The following PROM1 variants were observed in gnomAD, a reference collection of about 807,000 sequenced individuals.
PROM1 encodes prominin-1.
PROM1 carries 105 observed loss-of-function variants against 116.9 expected under a neutral mutation model. The observed-to-expected ratio is 0.90, with a 90% confidence interval of 0.77 to 1.06. The LOEUF (loss-of-function observed/expected upper bound fraction) is 1.06, where lower values mean the gene tolerates loss of function less well. Ranked by LOEUF, PROM1 falls within the 50% of genes least tolerant of loss-of-function variation. The probability of loss-of-function intolerance (pLI) is 0.00; values close to 1 mark genes in which losing one functional copy is unlikely to be tolerated. For synonymous variants in PROM1, 393 were observed against 387.0 expected (o/e 1.02, Z -0.18); for missense variants, 1,122 against 1,045.2 (o/e 1.07, Z -1.01).
chr4:15,992,794 A>C (rs892584920), intron 16 of PROM1, among the ~76,000 whole-genome samples: 1 of 152,216 alleles, frequency 6.6e-6, no homozygotes, highest in African/African-American at 2.4e-5. Context: ...AAAGGGACAC[A>C]GGGTAGGCTG....
At chr4:15,980,351 C>A in intron 24 of PROM1, 71 bp downstream of exon 24, 1 of 972,412 alleles carries the variant, frequency 1.0e-6, no homozygotes, top group South Asian at 1.5e-5. Flanking sequence ...CAGAACTCAT[C>A]TTTAGCAACT....
At chr4:16,054,469 C>T (rs1578232586) in intron 2 of PROM1, among the ~76,000 whole-genome samples, 2 of 152,128 alleles carry the variant, frequency 1.3e-5, no homozygotes, top group Admixed American at 1.3e-4. Flanking sequence ...CTCTTTTATT[C>T]TCAAAAGGTG....
intron 13 of PROM1, among the ~76,000 whole-genome samples, chr4:16,002,833 A>T (rs1356455033): frequency 6.6e-6 from 1 of 152,186 alleles, no homozygotes. Context: ...AAATATGCAC[A>T]TTCCTAGATC....
intron 1 of PROM1, among the ~76,000 whole-genome samples, chr4:16,076,859 T>C (rs1578339731): frequency 6.6e-6 from 1 of 152,250 alleles, no homozygotes; most frequent in African/African-American, 2.4e-5. Flanking sequence ...CTGTGCAAGA[T>C]GTGCTTTGTT....
intron 16 of PROM1, 31 bp downstream of exon 16, chr4:15,993,956 T>C (rs781252254): frequency 3.0e-5 from 48 of 1,606,826 alleles, no homozygotes; most frequent in Non-Finnish European, 3.8e-5. Flanking sequence ...AAGGAATGTG[T>C]TATGTCGATT....
At chr4:15,971,208 G>T in intron 26 of PROM1, 126 bp from the exon 27 acceptor site, 2 of 700,528 alleles carry the variant, frequency 2.9e-6, no homozygotes, top group Non-Finnish European at 4.6e-6. Context: ...ACCTCATAAA[G>T]TTTATCAAGA....
intron 4 of PROM1, among the ~76,000 whole-genome samples, chr4:16,034,378 G>T (rs1733522622): frequency 6.6e-6 from 1 of 152,110 alleles, no homozygotes. Flanking sequence ...GATAACGCAT[G>T]ATTAGAAATA....
At chr4:16,059,552 A>C (rs565579564) in intron 2 of PROM1, among the ~76,000 whole-genome samples, 4 of 152,210 alleles carry the variant, frequency 2.6e-5, no homozygotes, top group Non-Finnish European at 5.9e-5. Context: ...AAAAATAAAA[A>C]AAATTAGTCG....
Position 16,023,351 on chromosome 4 carries a change from A to T in PROM1, c.759T>A (p.Leu253=). The T allele has an allele frequency of 1.9e-6, 3 of 1,606,718 alleles. No individual in the cohort carries two copies. Among genetic ancestry groups the T allele is most frequent in the Non-Finnish European group, 2.6e-6 (3 of 1,176,108 alleles). ...DRLRPNIIPV[L]DEIKSMATAI... is the part of the protein sequence containing the mutation. Reference sequence around the variant, plus strand: ...CTGTTGCCATGGACTTAATCTCATCAAGAACAGGGATGATGTTGGGTCTCA... The same window carrying T: ...CTGTTGCCATGGACTTAATCTCATCTAGAACAGGGATGATGTTGGGTCTCA... The change falls in exon 8 of 28, where the codon CTT becomes CTA. Residue 253 remains leucine, a synonymous_variant. Coordinates refer to ENST00000447510, the MANE Select transcript of PROM1 (RefSeq NM_006017.3).
At chr4:16,002,649 C>G (rs1001985797) in intron 13 of PROM1, among the ~76,000 whole-genome samples, 2 of 151,598 alleles carry the variant, frequency 1.3e-5, no homozygotes, top group African/African-American at 4.9e-5. Flanking sequence ...GCTTCTGAGT[C>G]TGGGAGAGCA....
intron 5 of PROM1, among the ~76,000 whole-genome samples, chr4:16,032,323 C>G (rs1275544789): frequency 2.0e-5 from 3 of 152,152 alleles, no homozygotes; most frequent in Admixed American, 2.0e-4. Flanking sequence ...TTATCAGACC[C>G]CTGCTGGTGG....
intron 5 of PROM1, among the ~76,000 whole-genome samples, chr4:16,030,091 C>A (rs1380351809): frequency 6.6e-6 from 1 of 152,150 alleles, no homozygotes; most frequent in Admixed American, 6.5e-5. Context: ...TCCTGCCTAG[C>A]TTGGATTACT....
chr4:16,034,358 G>A (rs1325488903), intron 4 of PROM1, among the ~76,000 whole-genome samples: 1 of 152,180 alleles, frequency 6.6e-6, no homozygotes, highest in African/African-American at 2.4e-5. Flanking sequence ...AAGTCATTGT[G>A]AAAATTAGAG....
chr4:16,035,670 A>C, intron 4 of PROM1, 65 bp downstream of exon 4: 1 of 1,434,428 alleles, frequency 7.0e-7, no homozygotes, highest in Non-Finnish European at 9.8e-7. Flanking sequence ...CTTCACAGTG[A>C]GGATGACAGT....
intron 5 of PROM1, among the ~76,000 whole-genome samples, chr4:16,025,564 G>A (rs890499984): frequency 5.3e-5 from 8 of 152,166 alleles, no homozygotes; most frequent in Non-Finnish European, 1.2e-4. Context: ...AATGACTCTC[G>A]TCAATGGAAC....
chr4:15,993,052 G>A (rs1467691625), intron 16 of PROM1, among the ~76,000 whole-genome samples: 1 of 152,130 alleles, frequency 6.6e-6, no homozygotes, highest in Non-Finnish European at 1.5e-5. Flanking sequence ...ATCTATTTAG[G>A]GTTTGGTTAC....
At chr4:16,033,586 CTTTT>C (rs60492380) in intron 4 of PROM1, 77 bp from the exon 5 acceptor site, 386 of 269,920 alleles carry the variant, frequency 1.4e-3, no homozygotes, top group East Asian at 2.7e-3. Flanking sequence ...GTACAAAGTT[CTTTT>C]TTTTTTTTTT....
At chr4:16,004,842 TTC>T (rs1724847992) in intron 13 of PROM1, among the ~76,000 whole-genome samples, 1 of 133,364 alleles carries the variant, frequency 7.5e-6, no homozygotes, top group African/African-American at 2.7e-5. Flanking sequence ...TCTTCCTTCC[TTC>T]CTTCCTTCCT....
chr4:15,983,352 G>T (rs527325105), intron 23 of PROM1, among the ~76,000 whole-genome samples: 1 of 151,928 alleles, frequency 6.6e-6, no homozygotes, highest in Admixed American at 6.6e-5. Context: ...AACAGCCCAT[G>T]TAGGCGAGGA....
Sources: gnomAD v4.1 joint callset for allele counts (sites outside exome capture counted in the v4.1 genomes callset) on GRCh38, gnomAD v4.1.1 for gene constraint, MANE v1.5 for transcripts, NCBI Gene and HGNC (gene_info 2026-07-23, HGNC 2026-07-21) for gene names.